HEATR5A: variants seen among roughly 807,000 people sequenced by gnomAD.
The protein encoded by HEATR5A is HEAT repeat-containing protein 5A.
HEATR5A carries 178 observed loss-of-function variants against 218.8 expected under a neutral mutation model. The observed-to-expected ratio is 0.81, with a 90% CI of 0.72 to 0.92. The LOEUF (loss-of-function observed/expected upper bound fraction) is 0.92. HEATR5A is among the 40% of genes least tolerant of loss of function. The probability of loss-of-function intolerance (pLI) is 0.00; values close to 1 mark genes in which losing one functional copy is unlikely to be tolerated. For missense variants in HEATR5A, 2,420 were observed against 2,418.9 expected, an observed-to-expected ratio of 1.00 and a Z score of -0.01; for synonymous variants, 864 against 871.6, an observed-to-expected ratio of 0.99 and a Z score of 0.15.
chr14:31,377,567 C>T (rs181801771), intron 11 of HEATR5A, among the ~76,000 whole-genome samples: 1 of 151,902 alleles, frequency 6.6e-6, no homozygotes, highest in Non-Finnish European at 1.5e-5. Context: ...CCAGGAGTAA[C>T]CTGCTTGAGT....
At chr14:31,310,500 C>T (rs758011739) in intron 28 of HEATR5A, among the ~76,000 whole-genome samples, 4 of 152,016 alleles carry the variant, frequency 2.6e-5, no homozygotes, top group Non-Finnish European at 5.9e-5. Context: ...ATTAGCTGGG[C>T]GTGGTAGTGC....
Position 31,323,634 on chromosome 14 carries a change from AT to A in HEATR5A, c.3717del (p.Gln1239HisfsTer14). ...AAECVCRIIN[Q>X]CENANSAHFD... ...AAATGTGCACTGTTAGCATTCTCAC[AT>A]TGGTTAATTATCCTACAGACACATT... On this transcript the variant is annotated frameshift_variant, in exon 24 of 36. Coordinates refer to ENST00000543095, the MANE Select transcript of HEATR5A (RefSeq NM_015473.4). LOFTEE classifies it high-confidence loss of function. 6.2e-7 allele frequency: 1 copy of A among 1,612,906 alleles called. No homozygotes were observed. The highest frequency in any genetic ancestry group is 8.5e-7 in the Non-Finnish European group (1 of 1,179,104).
chr14:31,299,319 T>C (rs553126063), intron 33 of HEATR5A, among the ~76,000 whole-genome samples: 2 of 152,336 alleles, frequency 1.3e-5, no homozygotes, highest in Non-Finnish European at 2.9e-5. Context: ...ATCCTTTTTG[T>C]CCATACTATT....
At chr14:31,356,529 T>A (rs1300896685) in intron 16 of HEATR5A, among the ~76,000 whole-genome samples, 2 of 152,200 alleles carry the variant, frequency 1.3e-5, no homozygotes, top group Non-Finnish European at 2.9e-5. Flanking sequence ...CTACTGTGCC[T>A]GGTCACCTAC....
intron 6 of HEATR5A, among the ~76,000 whole-genome samples, chr14:31,390,182 T>C (rs2030395043): frequency 6.6e-6 from 1 of 151,894 alleles, no homozygotes; most frequent in Non-Finnish European, 1.5e-5. Flanking sequence ...GATGGAGCAG[T>C]GGAGGGGGTA....
intron 26 of HEATR5A, among the ~76,000 whole-genome samples, chr14:31,317,054 A>T (rs1008445336): frequency 1.3e-5 from 2 of 152,088 alleles, no homozygotes; most frequent in African/African-American, 4.8e-5. Context: ...TTCTTGTCTC[A>T]TCTCACAAAA....
intron 18 of HEATR5A, among the ~76,000 whole-genome samples, chr14:31,349,513 C>T (rs1335243527): frequency 6.6e-6 from 1 of 152,154 alleles, no homozygotes; most frequent in Admixed American, 6.5e-5. Context: ...AAATATTTCA[C>T]TATCCTAGAG....
At position 31,291,820 on chromosome 14, in the gene HEATR5A, T is replaced by G. The variant is rs1024966693; in HGVS notation, c.*1485A>C. 1 of 152,202 alleles carries G rather than the reference T, an allele frequency of 6.6e-6. No homozygotes were observed. The highest frequency in any genetic ancestry group is 1.9e-4 in the East Asian group (1 of 5,208). The allele number at this position is 152,202 out of a possible 1,614,324, so 9.4% of individuals were successfully genotyped here. ...GAAAATTAGCTTTATTTATGTAATT[T>G]AGAAAAAATGATTGTAGTGTTAGAG... On this transcript the variant is annotated 3_prime_UTR_variant, in exon 36 of 36. Transcript: ENST00000543095.
intron 1 of HEATR5A, among the ~76,000 whole-genome samples, chr14:31,413,134 T>C (rs1386475620): frequency 1.3e-5 from 2 of 152,108 alleles, no homozygotes; most frequent in Non-Finnish European, 2.9e-5. Context: ...GCCAAGAATA[T>C]TTCCTGCAAA....
chr14:31,340,979 C>A (rs1430550941), intron 21 of HEATR5A, among the ~76,000 whole-genome samples: 1 of 152,170 alleles, frequency 6.6e-6, no homozygotes, highest in South Asian at 2.1e-4. Flanking sequence ...AAAGAGCATG[C>A]AGTTAAAGGA....
At chr14:31,322,098 G>A (rs1310711603) in intron 24 of HEATR5A, among the ~76,000 whole-genome samples, 1 of 152,140 alleles carries the variant, frequency 6.6e-6, no homozygotes, top group Non-Finnish European at 1.5e-5. Flanking sequence ...GTTTTATGCG[G>A]CTCTTTCTAT....
chr14:31,358,861 T>C lies in HEATR5A; in HGVS notation c.2235+33A>G, dbSNP rs370008273. 5.6e-6 allele frequency: 9 copies of C among 1,607,558 alleles called. No individual in the cohort carries two copies. In the African/African-American group the frequency reaches 9.4e-5, roughly 17 times the overall value. ...AGGTTTTAAAATCACTGATCACAGATTGAATCTAATCAAGAGTAAAAAATG... is the reference window on the plus strand; with the variant it reads ...AGGTTTTAAAATCACTGATCACAGACTGAATCTAATCAAGAGTAAAAAATG... On this transcript the variant is annotated intron_variant, in intron 15 of 35. Transcript: ENST00000543095.
chr14:31,349,862 A>T lies in HEATR5A; in HGVS notation c.2635T>A (p.Ser879Thr), dbSNP rs375167515. ...ACCACTTGGGCTAATCTAGCCCATGACTCTGCAGCTGCACATCTCAGCAAG... is the reference window on the plus strand; with the variant it reads ...ACCACTTGGGCTAATCTAGCCCATGTCTCTGCAGCTGCACATCTCAGCAAG... ...NPLLRCAAAE[S>T]WARLAQVVDD... Residue 879 changes from serine to threonine, a missense_variant, in exon 18 of 36, where the codon TCA becomes ACA. Transcript: ENST00000543095. 28 of 1,612,672 alleles carry T rather than the reference A, an allele frequency of 1.7e-5. No individual in the cohort carries two copies. In the East Asian group the frequency reaches 2.9e-4, roughly 17 times the overall value.
chr14:31,374,792 G>C (rs1314937905), intron 12 of HEATR5A, 24 bp downstream of exon 12: 3 of 1,588,946 alleles, frequency 1.9e-6, no homozygotes, highest in Non-Finnish European at 2.6e-6. Context: ...AGGAAAGGGA[G>C]AGAAAAGACT....
chr14:31,346,900 T>C (rs1750703038), intron 19 of HEATR5A, among the ~76,000 whole-genome samples: 1 of 152,100 alleles, frequency 6.6e-6, no homozygotes, highest in Admixed American at 6.6e-5. Flanking sequence ...TTGATTAAGA[T>C]AGGAGAATGA....
At chr14:31,406,127 T>C (rs2031051759) in intron 1 of HEATR5A, among the ~76,000 whole-genome samples, 2 of 152,204 alleles carry the variant, frequency 1.3e-5, no homozygotes, top group African/African-American at 4.8e-5. Flanking sequence ...ATCAGGAAGA[T>C]GAATACAAAT....
intron 24 of HEATR5A, 29 bp from the exon 25 acceptor site, chr14:31,321,709 A>T (rs747874792): frequency 5.4e-6 from 8 of 1,480,070 alleles, no homozygotes; most frequent in Non-Finnish European, 7.3e-6. Context: ...TATTGGGAGA[A>T]AAAAAGATTA....
chr14:31,372,617 T>C (rs552046373), intron 12 of HEATR5A, among the ~76,000 whole-genome samples: 3 of 152,234 alleles, frequency 2.0e-5, no homozygotes, highest in African/African-American at 7.2e-5. Flanking sequence ...TCACCTGAAG[T>C]TGGGAGTTTG....
chr14:31,343,043 C>T (rs1900888959), intron 21 of HEATR5A, among the ~76,000 whole-genome samples: 2 of 151,186 alleles, frequency 1.3e-5, no homozygotes, highest in African/African-American at 4.9e-5. Flanking sequence ...AAATGCAACT[C>T]AGTTTTTGAG....
Sources: allele counts gnomAD v4.1 joint callset (sites outside exome capture counted in the v4.1 genomes callset), GRCh38; gene constraint gnomAD v4.1.1; transcripts MANE v1.5; gene names NCBI Gene and HGNC (gene_info 2026-07-23, HGNC 2026-07-21).